Variants in INKA2 observed in about 807,000 individuals in gnomAD.
The protein encoded by INKA2 is PAK4-inhibitor INKA2.
In INKA2, 3 loss-of-function variants were observed where a neutral mutation model predicts 9.8. That is an observed-to-expected ratio of 0.31 (90% CI 0.14 to 0.79). The LOEUF is 0.79. Among genes scored for constraint, INKA2 ranks in the 30% least tolerant of loss-of-function variants. INKA2 has a pLI of 0.62. For synonymous variants in INKA2, 147 were observed against 143.3 expected (o/e 1.03, Z -0.18); for missense variants, 392 against 384.4 (o/e 1.02, Z -0.17).
rs1663520380 is a variant in INKA2 at position 111,755,538 on chromosome 1, G to T, written n.124+163C>A. 4 of 753,820 alleles carry T rather than the reference G, an allele frequency of 5.3e-6. No individual in the cohort carries two copies. The Admixed American group carries it at 9.8e-5, about 18-fold the overall frequency. 46.7% of individuals were successfully genotyped at this position (753,820 alleles called of 1,614,324 possible). A position where few individuals can be genotyped will look rare whatever the true frequency, so the allele number is the denominator to read the frequency against. Reference sequence around the variant, plus strand: ...CCAGCGGAACGGAAAACGGAAGCACGAGACGGGGGCGTGACGCACCGGGCG... The same window carrying T: ...CCAGCGGAACGGAAAACGGAAGCACTAGACGGGGGCGTGACGCACCGGGCG... On this transcript the variant is annotated intron_variant and non_coding_transcript_variant, in intron 1 of 1. Coordinates refer to the INKA2 transcript ENST00000444059.
chr1:111,745,264 A>ATT (rs1191495744), intron 1 of INKA2: 755 of 67,728 alleles, frequency 0.011, 3 homozygotes, highest in African/African-American at 0.019. Context: ...ACACAGAGAT[A>ATT]TTATATATAT....
At chr1:111,732,853 T>C (rs934787296) in intron 1 of INKA2, among the ~76,000 whole-genome samples, 2 of 152,130 alleles carry the variant, frequency 1.3e-5, no homozygotes, top group African/African-American at 4.8e-5. Flanking sequence ...ACAGGTGCCC[T>C]CCTGGTGTTT....
At chr1:111,733,838 C>T (rs1368070782) in intron 1 of INKA2, among the ~76,000 whole-genome samples, 1 of 152,220 alleles carries the variant, frequency 6.6e-6, no homozygotes, top group Non-Finnish European at 1.5e-5. Flanking sequence ...CAGCTGTGCC[C>T]TCCTTCCATC....
chr1:111,755,619 G>T, intron 1 of INKA2: 1 of 1,577,322 alleles, frequency 6.3e-7, no homozygotes, highest in South Asian at 1.1e-5. Flanking sequence ...GGGCGGCTCC[G>T]CCCAGAAGAG....
chr1:111,739,091 T>C (rs924797649), intron 1 of INKA2, 95 bp downstream of exon 1: 1 of 1,249,852 alleles, frequency 8.0e-7, no homozygotes. Flanking sequence ...TCCTCCGCCC[T>C]GCTTACGTCC....
At chr1:111,729,956 G>A (rs1369763716) in intron 1 of INKA2, among the ~76,000 whole-genome samples, 6 of 152,370 alleles carry the variant, frequency 3.9e-5, no homozygotes, top group East Asian at 3.9e-4. Flanking sequence ...GATTGCCCAC[G>A]CTCTGTGCAC....
At position 111,750,493 on chromosome 1, in the gene INKA2, G is replaced by A. The variant is rs190699198; in HGVS notation, n.124+5208C>T. On this transcript the variant is annotated intron_variant and non_coding_transcript_variant, in intron 1 of 1. Coordinates refer to the INKA2 transcript ENST00000444059. ...CCAGTTCACTGAACAGATGGCTCAAGAATATAACAATGAAAGTACCCGTGG... is the reference window on the plus strand; with the variant it reads ...CCAGTTCACTGAACAGATGGCTCAAAAATATAACAATGAAAGTACCCGTGG... Among the ~76,000 whole-genome samples the A allele has an allele frequency of 1.6e-3, 249 of 152,318 alleles. 1 individual carries two copies. Among genetic ancestry groups the A allele is most frequent in the Non-Finnish European group, 3.1e-3 (211 of 68,020 alleles).
intron 1 of INKA2, 27 bp downstream of exon 1, chr1:111,739,159 C>T: frequency 6.2e-7 from 1 of 1,610,288 alleles, no homozygotes; most frequent in Non-Finnish European, 8.5e-7. Context: ...GCAGCCCTCC[C>T]TGCCCCGGCG....
At chr1:111,727,914 A>G in intron 1 of INKA2, 110 bp from the exon 2 acceptor site, 1 of 1,010,594 alleles carries the variant, frequency 9.9e-7, no homozygotes, top group Non-Finnish European at 1.5e-6. Context: ...AGGGTCATCC[A>G]GCCTGCCACC....
At chr1:111,732,981 C>T (rs1662943024) in intron 1 of INKA2, among the ~76,000 whole-genome samples, 1 of 152,182 alleles carries the variant, frequency 6.6e-6, no homozygotes, top group African/African-American at 2.4e-5. Flanking sequence ...CTGGTGTCAG[C>T]ACTAGCCCTT....
At chr1:111,751,885 C>T (rs145562168) in intron 1 of INKA2, among the ~76,000 whole-genome samples, 17 of 152,140 alleles carry the variant, frequency 1.1e-4, no homozygotes, top group African/African-American at 3.4e-4. Context: ...AATGGACCTC[C>T]TCTCAAATCA....
rs1266331077 is a variant in INKA2, at chr1:111,723,819, A to T, written c.*3149T>A. Reference sequence around the variant, plus strand: ...CATGGCAGGTGTCCAGGGGGAAGGGAAAAGTAAGTCTCCATCAGACAGTCA... The same window carrying T: ...CATGGCAGGTGTCCAGGGGGAAGGGTAAAGTAAGTCTCCATCAGACAGTCA... On this transcript the variant is annotated 3_prime_UTR_variant, in exon 2 of 2. Coordinates refer to ENST00000357260, the MANE Select transcript of INKA2 (RefSeq NM_019099.5). The T allele has an allele frequency of 6.6e-6, 1 of 152,338 alleles. No individual in the cohort carries two copies. Among genetic ancestry groups the T allele is most frequent in the Non-Finnish European group, 1.5e-5 (1 of 68,108 alleles). 9.4% of individuals were successfully genotyped at this position (152,338 alleles called of 1,614,324 possible). A position where few individuals can be genotyped will look rare whatever the true frequency, so the allele number is the denominator to read the frequency against.
chr1:111,754,884 T>C (rs1480621735), intron 1 of INKA2: 4 of 152,202 alleles, frequency 2.6e-5, no homozygotes, highest in Admixed American at 1.3e-4. Context: ...CAGGTAGGTA[T>C]AAGTATCATA....
At chr1:111,741,346 C>T (rs775916613), upstream of INKA2, among the ~76,000 whole-genome samples, 23 of 152,170 alleles carry the variant, frequency 1.5e-4, no homozygotes, top group Admixed American at 2.6e-4. Flanking sequence ...CTGGCCAAGC[C>T]CAGGCAACTC....
Position 111,732,602 on chromosome 1 carries a change from GAACT to G in INKA2, c.58-4802_58-4799del, listed in dbSNP as rs1469273419. 7.4e-5 allele frequency among the ~76,000 whole-genome samples: 9 copies of G among 121,412 alleles called. No homozygotes were observed. The South Asian group carries it at 7.4e-4, about 10-fold the overall frequency. The allele number at this position is 121,412 out of a possible 152,430, so 79.7% of individuals were successfully genotyped here. On this transcript the variant is annotated intron_variant, in intron 1 of 1. Coordinates refer to ENST00000357260, the MANE Select transcript of INKA2 (RefSeq NM_019099.5). ...ACACACACACACACACACACACACA[GAACT>G]AACCTGCTCCACCATCAAAGGTAAA... is the stretch of plus-strand genomic sequence containing the variant.
intron 1 of INKA2, among the ~76,000 whole-genome samples, chr1:111,751,367 G>GA (rs1391298701): frequency 6.6e-6 from 1 of 152,200 alleles, no homozygotes; most frequent in Non-Finnish European, 1.5e-5. Context: ...CTAAGGCCCT[G>GA]AAAAAATGTC....
intron 1 of INKA2, among the ~76,000 whole-genome samples, chr1:111,753,451 G>A (rs1663452095): frequency 1.3e-5 from 2 of 152,018 alleles, no homozygotes; most frequent in African/African-American, 2.4e-5. Context: ...TGACTAGTGA[G>A]AAAAAAAATT....
chr1:111,749,674 C>T (rs932258167), intron 1 of INKA2, among the ~76,000 whole-genome samples: 6 of 152,118 alleles, frequency 3.9e-5, no homozygotes, highest in South Asian at 2.1e-4. Context: ...CTTTTTGCTC[C>T]TTTGTGTCAC....
Position 111,727,571 on chromosome 1 carries a change from A to C in INKA2, c.291T>G (p.Pro97=). 6.2e-7 allele frequency: 1 copy of C among 1,612,874 alleles called. No homozygotes were observed. Among genetic ancestry groups the C allele is most frequent in the Non-Finnish European group, 8.5e-7 (1 of 1,179,360 alleles). The change falls in exon 2 of 2, where the codon CCT becomes CCG. Residue 97 remains proline (P), a synonymous_variant. Coordinates refer to ENST00000357260, the MANE Select transcript of INKA2 (RefSeq NM_019099.5). Reference sequence around the variant, plus strand: ...GAAACTTGGTGCTGCTGCCAAGAGAAGGTTGACTGGAGGGGGAACAGACTG... The same window carrying C: ...GAAACTTGGTGCTGCTGCCAAGAGACGGTTGACTGGAGGGGGAACAGACTG... ...RPTVCSPSSQ[P]SLGSSTKFPS...
Sources: gnomAD v4.1 joint callset for allele counts (sites outside exome capture counted in the v4.1 genomes callset) on GRCh38, gnomAD v4.1.1 for gene constraint, MANE v1.5 for transcripts, NCBI Gene and HGNC (gene_info 2026-07-23, HGNC 2026-07-21) for gene names.